TMEM38B: variants seen among roughly 807,000 people sequenced by gnomAD.
The protein encoded by TMEM38B is transmembrane protein 38B.
Under a neutral mutation model 28.7 loss-of-function variants are expected in TMEM38B, and 24 were observed. The ratio of observed to expected loss-of-function variants is 0.84; its 90% CI spans 0.61 to 1.18. TMEM38B has a LOEUF of 1.18. Ranked by LOEUF, TMEM38B falls within the 50% of genes most tolerant of loss-of-function variation. The pLI, the probability that TMEM38B is intolerant of heterozygous loss-of-function variation, is 0.00. For synonymous variants in TMEM38B, 131 were observed against 127.7 expected (o/e 1.03, Z -0.17); for missense variants, 380 against 350.9 (o/e 1.08, Z -0.66).
At chr9:105,706,312 A>G (rs1835662417) in intron 2 of TMEM38B, among the ~76,000 whole-genome samples, 1 of 152,102 alleles carries the variant, frequency 6.6e-6, no homozygotes, top group Non-Finnish European at 1.5e-5. Flanking sequence ...GTTGTTGTTG[A>G]GACATAGTCT....
chr9:105,740,260 GTT>G (rs35669330), intron 4 of TMEM38B, among the ~76,000 whole-genome samples: 1,394 of 111,406 alleles, frequency 0.013, 7 homozygotes, highest in Non-Finnish European at 0.016. Flanking sequence ...ATTCCTAGGT[GTT>G]TTTTTTTTTT....
At chr9:105,706,290 T>C (rs1037068624) in intron 2 of TMEM38B, among the ~76,000 whole-genome samples, 15 of 152,274 alleles carry the variant, frequency 9.9e-5, no homozygotes, top group Non-Finnish European at 1.5e-4. Flanking sequence ...CATTGTCTTA[T>C]GTACCTTTTT....
chr9:105,772,145 C>G (rs1409725349), intron 5 of TMEM38B, among the ~76,000 whole-genome samples: 1 of 152,174 alleles, frequency 6.6e-6, no homozygotes, highest in Non-Finnish European at 1.5e-5. Context: ...TTCCCAGTAC[C>G]AGGCAGCTGG....
chr9:105,709,639 T>C (rs150247002), intron 2 of TMEM38B, among the ~76,000 whole-genome samples: 4 of 152,314 alleles, frequency 2.6e-5, no homozygotes, highest in African/African-American at 9.6e-5. Flanking sequence ...CTGACTAGGA[T>C]AGAGGTGAGA....
chr9:105,719,105 G>A (rs1324162153), intron 2 of TMEM38B, among the ~76,000 whole-genome samples: 1 of 152,184 alleles, frequency 6.6e-6, no homozygotes, highest in African/African-American at 2.4e-5. Flanking sequence ...CTAAGCCTGG[G>A]AAGCTTCTCT....
In TMEM38B at chr9:105,709,738, T is replaced by A. The variant is rs1433999846; in HGVS notation, c.269+3985T>A. ...TAAGGAAGATGTAAACTGCATGTGG[T>A]GTACAAGTAAATAAACGCAGATGCC... On this transcript the variant is annotated intron_variant, in intron 2 of 5. Transcript: ENST00000374692. Among the ~76,000 whole-genome samples, 3 of 152,306 alleles carry A rather than the reference T, an allele frequency of 2.0e-5. No individual in the cohort carries two copies. In the East Asian group the frequency reaches 5.8e-4, roughly 29 times the overall value.
chr9:105,761,691 T>C (rs1838057988), intron 5 of TMEM38B, among the ~76,000 whole-genome samples: 1 of 152,276 alleles, frequency 6.6e-6, no homozygotes, highest in Non-Finnish European at 1.5e-5. Context: ...GGTTTTCAAA[T>C]TGGTGCACAT....
intron 5 of TMEM38B, among the ~76,000 whole-genome samples, chr9:105,753,002 A>G (rs74485443): frequency 0.025 from 3,857 of 152,296 alleles, 85 homozygotes; most frequent in Middle Eastern, 0.085. Context: ...GGAAAACACA[A>G]CATGAGAACT....
chr9:105,764,510 G>A (rs1235850825), intron 5 of TMEM38B, among the ~76,000 whole-genome samples: 2 of 152,138 alleles, frequency 1.3e-5, no homozygotes, highest in South Asian at 2.1e-4. Context: ...AAATACCTAG[G>A]AATCCAACTT....
intron 4 of TMEM38B, among the ~76,000 whole-genome samples, chr9:105,731,267 T>G (rs1276344547): frequency 6.6e-6 from 1 of 151,664 alleles, no homozygotes; most frequent in Non-Finnish European, 1.5e-5. Flanking sequence ...ACGTTGTAGC[T>G]TTGTTCTCAT....
chr9:105,771,844 G>A (rs1248451469), intron 5 of TMEM38B, among the ~76,000 whole-genome samples: 1 of 152,060 alleles, frequency 6.6e-6, no homozygotes, highest in Admixed American at 6.6e-5. Context: ...ATGTTCCTGG[G>A]AAATCTCTAT....
At position 105,774,136 on chromosome 9, in the gene TMEM38B, A is replaced by G. The variant is rs1826653060; in HGVS notation, c.*56A>G. 1.4e-6 allele frequency: 2 copies of G among 1,415,434 alleles called. No individual in the cohort carries two copies. The highest frequency in any genetic ancestry group is 1.9e-4 in the Middle Eastern group (1 of 5,372). The allele number at this position is 1,415,434 out of a possible 1,614,324, so 87.7% of individuals were successfully genotyped here. A position where few individuals can be genotyped will look rare whatever the true frequency, so the allele number is the denominator to read the frequency against. On this transcript the variant is annotated 3_prime_UTR_variant, in exon 6 of 6. Transcript: ENST00000374692. ...ATTTTTTTTCTTATCTACCTGTTAT[A>G]TTGTGCTAATTTTTCTATGTATGTG...
intron 2 of TMEM38B, among the ~76,000 whole-genome samples, chr9:105,709,437 G>T (rs1835812556): frequency 1.3e-5 from 2 of 152,066 alleles, no homozygotes; most frequent in Non-Finnish European, 2.9e-5. Flanking sequence ...ATTATATTAA[G>T]ATATGAATGG....
At chr9:105,758,459 A>T (rs1447711915) in intron 5 of TMEM38B, 5 of 1,361,030 alleles carry the variant, frequency 3.7e-6, no homozygotes, top group East Asian at 4.6e-5. Context: ...GTTGTTTCAC[A>T]GCAGGAGAAG....
chr9:105,758,293 A>G, intron 5 of TMEM38B: 1 of 708,440 alleles, frequency 1.4e-6, no homozygotes, highest in South Asian at 1.6e-5. Context: ...AAATCCTTCT[A>G]AAGACACATC....
intron 5 of TMEM38B, among the ~76,000 whole-genome samples, chr9:105,755,827 T>C (rs916417001): frequency 1.3e-5 from 2 of 152,246 alleles, no homozygotes; most frequent in Non-Finnish European, 2.9e-5. Context: ...AAAATTTCAC[T>C]TCCAGGCTGT....
intron 5 of TMEM38B, among the ~76,000 whole-genome samples, chr9:105,768,485 ATAT>A (rs1218067343): frequency 6.6e-6 from 1 of 152,054 alleles, no homozygotes; most frequent in Admixed American, 6.6e-5. Context: ...TGTAGGTTTG[ATAT>A]TATTTATTGG....
intron 5 of TMEM38B, among the ~76,000 whole-genome samples, chr9:105,769,714 T>C (rs533010399): frequency 7.2e-6 from 1 of 138,042 alleles, no homozygotes; most frequent in East Asian, 2.5e-4. Flanking sequence ...TATATTGATA[T>C]GAACTTTAAT....
At chr9:105,745,990 A>G (rs1163725563) in intron 4 of TMEM38B, among the ~76,000 whole-genome samples, 1 of 152,110 alleles carries the variant, frequency 6.6e-6, no homozygotes, top group Admixed American at 6.5e-5. Flanking sequence ...GTAGCCTTGT[A>G]GTATAGTTTG....
Sources: allele counts gnomAD v4.1 joint callset (sites outside exome capture counted in the v4.1 genomes callset), GRCh38; gene constraint gnomAD v4.1.1; transcripts MANE v1.5; gene names NCBI Gene and HGNC (gene_info 2026-07-23, HGNC 2026-07-21).